Variants in ERBB4 observed in about 807,000 individuals in gnomAD.
ERBB4 encodes erb-b2 receptor tyrosine kinase 4, also known as receptor tyrosine-protein kinase erbB-4.
Under a neutral mutation model 158.0 loss-of-function variants are expected in ERBB4, and 42 were observed. The observed-to-expected ratio is 0.27, with a 90% confidence interval of 0.21 to 0.34. The LOEUF is 0.34. Among genes scored for constraint, ERBB4 ranks in the 10% least tolerant of loss-of-function variants. ERBB4 has a pLI of 1.00. For missense variants in ERBB4, 1,333 were observed against 1,624.1 expected, an observed-to-expected ratio of 0.82 and a Z score of 3.08; for synonymous variants, 583 against 558.7, an observed-to-expected ratio of 1.04 and a Z score of -0.61.
chr2:211,812,754 G>A (rs1447838172), intron 3 of ERBB4, among the ~76,000 whole-genome samples: 1 of 152,212 alleles, frequency 6.6e-6, no homozygotes, highest in Non-Finnish European at 1.5e-5. Context: ...AATGGCAGAT[G>A]CCTCTCCCCC....
intron 14 of ERBB4, among the ~76,000 whole-genome samples, chr2:211,667,401 G>A (rs2071671673): frequency 6.7e-6 from 1 of 149,504 alleles, no homozygotes; most frequent in Admixed American, 6.7e-5. Flanking sequence ...GCTCAATCAA[G>A]CCCTTGTCTA....
At chr2:212,469,509 T>A (rs1406649564) in intron 1 of ERBB4, among the ~76,000 whole-genome samples, 2 of 152,180 alleles carry the variant, frequency 1.3e-5, no homozygotes, top group Non-Finnish European at 2.9e-5. Context: ...CAGAGAAATG[T>A]GATTGTCACT....
rs538676272 is a variant in ERBB4, at chr2:211,631,357, G to A, written c.1947-763C>T. Among the ~76,000 whole-genome samples, 41 of 152,138 alleles carry A rather than the reference G, an allele frequency of 2.7e-4. No individual in the cohort carries two copies. In the South Asian group the frequency reaches 8.5e-3, roughly 32 times the overall value. Reference sequence around the variant, plus strand: ...ATTAGGGCAACTCTGGTAGAAAAAAGGTCAGGAGAAAGATAAAGAATTGGT... The same window carrying A: ...ATTAGGGCAACTCTGGTAGAAAAAAAGTCAGGAGAAAGATAAAGAATTGGT... On this transcript the variant is annotated intron_variant, in intron 16 of 27. Transcript: ENST00000342788.
At chr2:211,569,741 G>A (rs2067658589) in intron 19 of ERBB4, among the ~76,000 whole-genome samples, 1 of 152,172 alleles carries the variant, frequency 6.6e-6, no homozygotes. Context: ...TTGGAATTTA[G>A]CAAGGGCTCT....
At chr2:211,787,519 C>T (rs145618549) in intron 4 of ERBB4, among the ~76,000 whole-genome samples, 52 of 152,242 alleles carry the variant, frequency 3.4e-4, no homozygotes, top group African/African-American at 1.2e-3. Flanking sequence ...CTATATTTCT[C>T]CATTCCATAA....
chr2:212,204,895 C>T (rs1013419400), intron 1 of ERBB4, among the ~76,000 whole-genome samples: 1 of 149,358 alleles, frequency 6.7e-6, no homozygotes, highest in African/African-American at 2.5e-5. Flanking sequence ...CTCGGCTCAC[C>T]ACAACCTCTG....
At chr2:212,262,695 T>C (rs1028630447) in intron 1 of ERBB4, among the ~76,000 whole-genome samples, 3 of 152,134 alleles carry the variant, frequency 2.0e-5, no homozygotes, top group African/African-American at 2.4e-5. Flanking sequence ...TACAGCCATA[T>C]AAGGGTATCT....
intron 3 of ERBB4, among the ~76,000 whole-genome samples, chr2:211,860,852 A>G (rs545065140): frequency 6.8e-6 from 1 of 146,140 alleles, no homozygotes; most frequent in South Asian, 2.1e-4. Context: ...ATTTGGCATG[A>G]AAATAAATCA....
In ERBB4 at chr2:212,154,170, A is replaced by T. The variant is rs529358526; in HGVS notation, c.83-29267T>A. On this transcript the variant is annotated intron_variant, in intron 1 of 27. Transcript: ENST00000342788. ...TGAATGAATTCTTTCAGCAACTGCA[A>T]TTCTACTAAGAGTTGTCTCCTCTGT... Among the ~76,000 whole-genome samples, 8 of 152,184 alleles carry T rather than the reference A, an allele frequency of 5.3e-5. 1 individual carries two copies. In the South Asian group the frequency reaches 1.7e-3, roughly 31 times the overall value.
chr2:212,322,717 T>C (rs1014806524), intron 1 of ERBB4, among the ~76,000 whole-genome samples: 1 of 150,380 alleles, frequency 6.6e-6, no homozygotes, highest in African/African-American at 2.4e-5. Context: ...AGAAGTGGAA[T>C]TCTACGAGGA....
chr2:211,771,806 T>A (rs1169052629), intron 4 of ERBB4, among the ~76,000 whole-genome samples: 1 of 152,076 alleles, frequency 6.6e-6, no homozygotes, highest in Non-Finnish European at 1.5e-5. Context: ...GCTGGCCGAA[T>A]CTCTTGGTGC....
chr2:212,328,577 G>A (rs1440361543), intron 1 of ERBB4, among the ~76,000 whole-genome samples: 1 of 151,954 alleles, frequency 6.6e-6, no homozygotes, highest in Non-Finnish European at 1.5e-5. Context: ...ACCATTAACA[G>A]AGGATTCAGA....
intron 1 of ERBB4, among the ~76,000 whole-genome samples, chr2:212,416,823 G>T (rs531515230): frequency 1.7e-4 from 26 of 152,102 alleles, no homozygotes; most frequent in African/African-American, 5.8e-4. Flanking sequence ...TTTATTCAGT[G>T]TTTCAAAGCT....
At chr2:211,996,132 A>C (rs1392025636) in intron 2 of ERBB4, among the ~76,000 whole-genome samples, 1 of 152,178 alleles carries the variant, frequency 6.6e-6, no homozygotes, top group African/African-American at 2.4e-5. Flanking sequence ...GTAGATATTA[A>C]TTAGTATCAT....
chr2:211,810,491 T>C (rs948783421), intron 3 of ERBB4, among the ~76,000 whole-genome samples: 19 of 152,136 alleles, frequency 1.2e-4, no homozygotes, highest in Non-Finnish European at 2.2e-4. Flanking sequence ...AAGTCTGTTT[T>C]GTCAGAGACT....
chr2:211,381,310 A>AAGTT lies in ERBB4; in HGVS notation c.*2301_*2304dup, dbSNP rs767083996. On this transcript the variant is annotated 3_prime_UTR_variant, in exon 28 of 28. Coordinates refer to ENST00000342788, the MANE Select transcript of ERBB4 (RefSeq NM_005235.3). The stretch of plus-strand genomic sequence containing the variant: ...ACCATCTGCTTTTGGTTTAATGGTG[A>AAGTT]AGTTAGACTCTAGATAGGCTAATTA... 17 of 232,292 alleles carry AAGTT rather than the reference A, an allele frequency of 7.3e-5. No homozygotes were observed. Among genetic ancestry groups the AAGTT allele is most frequent in the Non-Finnish European group, 1.0e-4 (12 of 117,536 alleles). 14.4% of individuals were successfully genotyped at this position (232,292 alleles called of 1,614,324 possible). A position where few individuals can be genotyped will look rare whatever the true frequency, so the allele number is the denominator to read the frequency against.
At chr2:211,571,038 C>CCTCTTTTTTTTT (rs1437512949) in intron 19 of ERBB4, among the ~76,000 whole-genome samples, 5 of 58,732 alleles carry the variant, frequency 8.5e-5, no homozygotes, top group African/African-American at 3.8e-4. Context: ...GAGTACTCTT[C>CCTCTTTTTTTTT]TTCTTTTTTT....
At chr2:212,481,136 C>T (rs1323586858) in intron 1 of ERBB4, among the ~76,000 whole-genome samples, 1 of 151,616 alleles carries the variant, frequency 6.6e-6, no homozygotes, top group African/African-American at 2.4e-5. Context: ...CTTTATATCA[C>T]ATTTATGTTA....
At chr2:212,098,365 C>T (rs1248119388) in intron 2 of ERBB4, among the ~76,000 whole-genome samples, 2 of 152,172 alleles carry the variant, frequency 1.3e-5, no homozygotes, top group Non-Finnish European at 2.9e-5. Context: ...TGAGGAAAGG[C>T]AGTGAGGCCA....
Sources: allele counts gnomAD v4.1 joint callset (sites outside exome capture counted in the v4.1 genomes callset), GRCh38; gene constraint gnomAD v4.1.1; transcripts MANE v1.5; gene names NCBI Gene and HGNC (gene_info 2026-07-23, HGNC 2026-07-21).